The following MAGI2 variants were observed in gnomAD, a reference collection of about 807,000 sequenced individuals.
MAGI2 encodes the protein membrane associated guanylate kinase, WW and PDZ domain containing 2, also known as membrane-associated guanylate kinase, WW and PDZ domain-containing protein 2.
A neutral mutation model predicts 133.3 loss-of-function variants in MAGI2; 35 were observed. The observed-to-expected ratio is 0.26, with a 90% CI of 0.20 to 0.35. MAGI2 has a LOEUF of 0.35. Among genes scored for constraint, MAGI2 ranks in the 10% least tolerant of loss-of-function variants. MAGI2 has a pLI of 1.00. For missense variants in MAGI2, 1,636 were observed against 1,863.4 expected (o/e 0.88, Z 2.25); for synonymous variants, 729 against 710.6 (o/e 1.03, Z -0.41).
At chr7:78,655,702 C>T (rs1195864477) in intron 2 of MAGI2, among the ~76,000 whole-genome samples, 1 of 152,008 alleles carries the variant, frequency 6.6e-6, no homozygotes, top group Non-Finnish European at 1.5e-5. Context: ...AGAGGTTTGG[C>T]CGGGCGCAGT....
At chr7:78,741,407 AC>A (rs1822413583) in intron 2 of MAGI2, among the ~76,000 whole-genome samples, 2 of 145,076 alleles carry the variant, frequency 1.4e-5, no homozygotes, top group African/African-American at 5.3e-5. Flanking sequence ...ACACACACAC[AC>A]ACACACACAC....
At chr7:78,062,595 A>C (rs971336854) in intron 21 of MAGI2, among the ~76,000 whole-genome samples, 14 of 151,906 alleles carry the variant, frequency 9.2e-5, no homozygotes, top group African/African-American at 3.4e-4. Context: ...TTTCTTCACC[A>C]ACTTCTCTTA....
At position 79,175,231 on chromosome 7, in the gene MAGI2, C is replaced by G. The variant is rs558977932; in HGVS notation, c.302-168025G>C. On this transcript the variant is annotated intron_variant, in intron 1 of 21. Transcript: ENST00000354212. ...AGAAAAATGATTAGAAGAAAAAACA[C>G]TGACTGATTTTCTCTGTGTTGATAG... Among the ~76,000 whole-genome samples, 5 of 151,112 alleles carry G rather than the reference C, an allele frequency of 3.3e-5. No individual in the cohort carries two copies. In the South Asian group the frequency reaches 8.3e-4, roughly 25 times the overall value.
chr7:78,416,951 C>T (rs1378099368), intron 6 of MAGI2, among the ~76,000 whole-genome samples: 1 of 152,092 alleles, frequency 6.6e-6, no homozygotes, highest in East Asian at 1.9e-4. Context: ...ATTTCTGCTG[C>T]TTAAAAACCA....
chr7:78,646,875 T>C (rs561450593), intron 2 of MAGI2, among the ~76,000 whole-genome samples: 1 of 152,296 alleles, frequency 6.6e-6, no homozygotes, highest in East Asian at 1.9e-4. Context: ...CCTCCTTCTT[T>C]CTTAGAATCT....
At chr7:78,989,980 C>T (rs1385845763) in intron 2 of MAGI2, among the ~76,000 whole-genome samples, 2 of 152,022 alleles carry the variant, frequency 1.3e-5, no homozygotes, top group African/African-American at 4.8e-5. Context: ...CAGAAGGTAG[C>T]TTCTAGCTTA....
chr7:78,770,269 T>C (rs546229348), intron 2 of MAGI2, among the ~76,000 whole-genome samples: 2 of 152,334 alleles, frequency 1.3e-5, no homozygotes, highest in South Asian at 4.1e-4. Flanking sequence ...TGTATTTTTT[T>C]CCCCAAACCA....
At chr7:78,128,945 C>T (rs1165374066) in intron 18 of MAGI2, among the ~76,000 whole-genome samples, 1 of 152,212 alleles carries the variant, frequency 6.6e-6, no homozygotes, top group African/African-American at 2.4e-5. Context: ...TATGCAAATG[C>T]ATGCATTAAA....
At chr7:78,083,348 G>A (rs1195993252) in intron 20 of MAGI2, among the ~76,000 whole-genome samples, 1 of 81,490 alleles carries the variant, frequency 1.2e-5, no homozygotes, top group Non-Finnish European at 2.5e-5. Context: ...GGGAGAGGGA[G>A]AAGGAGATGG....
intron 4 of MAGI2, 76 bp downstream of exon 4, chr7:78,521,354 T>C (rs973620682): frequency 4.1e-6 from 4 of 973,188 alleles, no homozygotes; most frequent in Middle Eastern, 3.2e-4. Context: ...TATATCTTAC[T>C]GTGTATATGT....
chr7:78,818,200 T>G (rs1215385656), intron 2 of MAGI2, among the ~76,000 whole-genome samples: 1 of 152,220 alleles, frequency 6.6e-6, no homozygotes, highest in South Asian at 2.1e-4. Context: ...TTGAAGTTTA[T>G]TAATGAGTCT....
chr7:78,603,417 G>A (rs1232176882), intron 3 of MAGI2, among the ~76,000 whole-genome samples: 1 of 152,156 alleles, frequency 6.6e-6, no homozygotes, highest in Admixed American at 6.5e-5. Context: ...TTTAGGATGA[G>A]ACAACAAGAC....
intron 6 of MAGI2, among the ~76,000 whole-genome samples, chr7:78,471,586 AGT>A (rs1791207725): frequency 6.6e-6 from 1 of 152,114 alleles, no homozygotes. Flanking sequence ...TCCATATCGG[AGT>A]CTAAAGAAAA....
chr7:78,451,498 G>A (rs771031814), intron 6 of MAGI2, among the ~76,000 whole-genome samples: 6 of 152,084 alleles, frequency 3.9e-5, no homozygotes, highest in Non-Finnish European at 8.8e-5. Flanking sequence ...AATGACAGAA[G>A]TAATATGAGT....
chr7:78,494,246 C>T (rs973479394), intron 5 of MAGI2, among the ~76,000 whole-genome samples: 5 of 152,200 alleles, frequency 3.3e-5, no homozygotes, highest in East Asian at 1.9e-4. Context: ...CATGAACCAC[C>T]GTGCCTGGCC....
At position 78,995,243 on chromosome 7, in the gene MAGI2, C is replaced by T. The variant is rs572365286; in HGVS notation, c.418+11847G>A. Among the ~76,000 whole-genome samples, 62 of 152,066 alleles carry T rather than the reference C, an allele frequency of 4.1e-4. 1 individual carries two copies. In the South Asian group the frequency reaches 0.013, roughly 31 times the overall value. On this transcript the variant is annotated intron_variant, in intron 2 of 21. Transcript: ENST00000354212. ...AAGTTTGTGTTGGGCTGCATCAAAG[C>T]TGTGTTGGATTGCAAATGGCCTATG...
At chr7:78,666,682 C>T (rs142133718) in intron 2 of MAGI2, among the ~76,000 whole-genome samples, 107 of 152,276 alleles carry the variant, frequency 7.0e-4, no homozygotes, top group African/African-American at 2.5e-3. Flanking sequence ...TATGAGGGAA[C>T]TTTTCACAGA....
chr7:78,311,250 T>A (rs1449254393), intron 9 of MAGI2, among the ~76,000 whole-genome samples: 2 of 151,978 alleles, frequency 1.3e-5, no homozygotes, highest in African/African-American at 2.4e-5. Context: ...AGTAGAAAGA[T>A]GAAAAAGAAA....
chr7:78,861,615 G>A (rs1265750518), intron 2 of MAGI2, among the ~76,000 whole-genome samples: 3 of 152,164 alleles, frequency 2.0e-5, no homozygotes, highest in Non-Finnish European at 2.9e-5. Flanking sequence ...CACTAGTGAT[G>A]TCATCTCAAG....
Sources: allele counts gnomAD v4.1 joint callset (sites outside exome capture counted in the v4.1 genomes callset), GRCh38; gene constraint gnomAD v4.1.1; transcripts MANE v1.5; gene names NCBI Gene and HGNC (gene_info 2026-07-23, HGNC 2026-07-21).